Variants in SNRPN observed in about 807,000 individuals in gnomAD.
The protein encoded by SNRPN is small nuclear ribonucleoprotein polypeptide N, also known as small nuclear ribonucleoprotein-associated protein N.
Under a neutral mutation model 25.2 loss-of-function variants are expected in SNRPN, and 7 were observed. The ratio of observed to expected loss-of-function variants is 0.28; its 90% CI spans 0.16 to 0.52. The LOEUF (loss-of-function observed/expected upper bound fraction) is 0.52. SNRPN is among the 20% of genes least tolerant of loss of function. The pLI, the probability that SNRPN is intolerant of heterozygous loss-of-function variation, is 0.96. For missense variants in SNRPN, 196 were observed against 322.5 expected (o/e 0.61, Z 3.00); for synonymous variants, 124 against 110.6 (o/e 1.12, Z -0.76).
intron 1 of SNRPN, among the ~76,000 whole-genome samples, chr15:24,873,475 T>C (rs1269896383): frequency 7.7e-6 from 1 of 129,850 alleles, no homozygotes; most frequent in Non-Finnish European, 1.7e-5. Context: ...TGAGACAAAG[T>C]CTCGCTCTGT....
chr15:24,849,912 T>C (rs967763607), intron 2 of SNRPN: 6 of 152,196 alleles, frequency 3.9e-5, no homozygotes, highest in Non-Finnish European at 5.9e-5. Flanking sequence ...GTTATGAAAA[T>C]GAAGGCAATA....
At chr15:24,871,589 CTATT>C (rs759174508) in intron 1 of SNRPN, among the ~76,000 whole-genome samples, 10 of 151,984 alleles carry the variant, frequency 6.6e-5, no homozygotes, top group Admixed American at 1.3e-4. Context: ...GAAGAAATGT[CTATT>C]TATACAATTT....
At position 24,955,128 on chromosome 15, in the gene SNRPN, A is replaced by G. The variant is rs2062624973; in HGVS notation, c.-391+66A>G. 4 of 1,607,846 alleles carry G rather than the reference A, an allele frequency of 2.5e-6. No individual in the cohort carries two copies. The African/African-American group carries it at 5.3e-5, about 21-fold the overall frequency. ...GAGCGGCCACTTTTATTCATCAGAT[A>G]TTCCAAGTTTTTAGGACTTGGAGTA... On this transcript the variant is annotated intron_variant, in intron 1 of 9. Coordinates refer to ENST00000390687, the MANE Select transcript of SNRPN (RefSeq NM_003097.6).
chr15:24,968,204 T>C, intron 3 of SNRPN, 122 bp downstream of exon 3: 2 of 644,486 alleles, frequency 3.1e-6, no homozygotes, highest in Non-Finnish European at 5.4e-6. Flanking sequence ...AATAAACACA[T>C]TGCAGAAAGT....
intron 1 of SNRPN, among the ~76,000 whole-genome samples, chr15:24,863,042 C>A (rs1017198551): frequency 6.6e-5 from 10 of 150,832 alleles, no homozygotes; most frequent in Non-Finnish European, 1.3e-4. Context: ...AATGCCTTTT[C>A]TTCTTTTAAG....
At chr15:24,965,555 A>T (rs2075489259) in intron 2 of SNRPN, among the ~76,000 whole-genome samples, 1 of 152,216 alleles carries the variant, frequency 6.6e-6, no homozygotes, top group Non-Finnish European at 1.5e-5. Context: ...AAAAATAAAA[A>T]GTTCACTGAT....
intron 2 of SNRPN, among the ~76,000 whole-genome samples, chr15:24,833,713 G>C (rs1049439463): frequency 1.0e-5 from 1 of 99,786 alleles, no homozygotes; most frequent in Non-Finnish European, 2.2e-5. Context: ...CCAGGAGGCA[G>C]GAAGCAGACA....
chr15:24,928,335 T>G (rs922538733), intron 3 of SNRPN, among the ~76,000 whole-genome samples: 22 of 152,018 alleles, frequency 1.4e-4, no homozygotes, highest in African/African-American at 3.9e-4. Flanking sequence ...GAAGTGTTCA[T>G]CAACAGACAA....
intron 2 of SNRPN, chr15:24,967,324 G>A (rs1255638963): frequency 6.5e-6 from 1 of 153,778 alleles, no homozygotes; most frequent in African/African-American, 2.4e-5. Flanking sequence ...TCATAAGATA[G>A]TGTCATCCTC....
At chr15:24,844,514 T>A (rs555550613) in intron 2 of SNRPN, among the ~76,000 whole-genome samples, 1 of 150,658 alleles carries the variant, frequency 6.6e-6, no homozygotes, top group Admixed American at 6.6e-5. Context: ...TGACTAAGAA[T>A]AATTTGTCCT....
intron 3 of SNRPN, among the ~76,000 whole-genome samples, chr15:24,973,696 G>A (rs1053410146): frequency 2.0e-5 from 3 of 152,238 alleles, no homozygotes; most frequent in East Asian, 1.9e-4. Flanking sequence ...CACCTCACCC[G>A]GCCGTTAACG....
At chr15:24,961,959 G>T (rs1325793917) in intron 1 of SNRPN, among the ~76,000 whole-genome samples, 155 bp from the exon 2 acceptor site, 1 of 152,146 alleles carries the variant, frequency 6.6e-6, no homozygotes, top group Non-Finnish European at 1.5e-5. Context: ...GATTATGACT[G>T]TTTGAAGGTT....
intron 3 of SNRPN, among the ~76,000 whole-genome samples, chr15:24,943,039 T>G (rs930058980): frequency 3.3e-5 from 5 of 152,014 alleles, no homozygotes; most frequent in African/African-American, 1.2e-4. Flanking sequence ...TTTTTTTTTT[T>G]TTGGGGCTGA....
In SNRPN at chr15:24,969,114, C is replaced by T. The variant is rs2076067177; in HGVS notation, c.-144+1032C>T. On this transcript the variant is annotated intron_variant, in intron 3 of 9. Coordinates refer to ENST00000390687, the MANE Select transcript of SNRPN (RefSeq NM_003097.6). ...AATCAGTTAGGCTTGTTTATGGCCA[C>T]CATTTTGAGTTATTAATTAATTTAT... 2.0e-5 allele frequency among the ~76,000 whole-genome samples: 3 copies of T among 150,590 alleles called. No individual in the cohort carries two copies. The South Asian group carries it at 6.2e-4, about 31-fold the overall frequency.
intron 1 of SNRPN, among the ~76,000 whole-genome samples, chr15:24,828,607 A>G (rs11638932): frequency 0.079 from 12,016 of 152,204 alleles, 661 homozygotes; most frequent in Middle Eastern, 0.16. Flanking sequence ...TTAGAAGGAT[A>G]GTAAGTAATA....
intron 3 of SNRPN, among the ~76,000 whole-genome samples, chr15:24,922,228 A>G (rs2060072543): frequency 1.3e-5 from 2 of 152,114 alleles, no homozygotes; most frequent in Non-Finnish European, 2.9e-5. Context: ...AAGAGAAAAG[A>G]AAAAGCCATA....
At chr15:24,833,388 G>A (rs1192803580) in intron 2 of SNRPN, among the ~76,000 whole-genome samples, 1 of 151,942 alleles carries the variant, frequency 6.6e-6, no homozygotes, top group Non-Finnish European at 1.5e-5. Flanking sequence ...TCAGAGCCTA[G>A]GATAATTCCT....
chr15:24,877,912 T>C lies in SNRPN; in HGVS notation c.-578-8604T>C, dbSNP rs141262709. On this transcript the variant is annotated intron_variant, in intron 1 of 11. Transcript: ENST00000400097. ...GGGAAGCCTGGCCCATGCTCACTTTTCCAGTCACCTGCTCTTAAGTAGTGC... is the reference window on the plus strand; with the variant it reads ...GGGAAGCCTGGCCCATGCTCACTTTCCCAGTCACCTGCTCTTAAGTAGTGC... Among the ~76,000 whole-genome samples, 16 of 152,318 alleles carry C rather than the reference T, an allele frequency of 1.1e-4. No individual in the cohort carries two copies. The East Asian group carries it at 3.1e-3, about 29-fold the overall frequency.
At chr15:24,934,484 C>T (rs1054875734) in intron 3 of SNRPN, among the ~76,000 whole-genome samples, 2 of 152,070 alleles carry the variant, frequency 1.3e-5, no homozygotes, top group African/African-American at 2.4e-5. Context: ...TGTGAGTGAT[C>T]GTCCTCAAAG....
Sources: gnomAD v4.1 joint callset for allele counts (sites outside exome capture counted in the v4.1 genomes callset) on GRCh38, gnomAD v4.1.1 for gene constraint, MANE v1.5 for transcripts, NCBI Gene and HGNC (gene_info 2026-07-23, HGNC 2026-07-21) for gene names.